The following HSP90B1 variants were observed in gnomAD, a reference collection of about 807,000 sequenced individuals.
The protein encoded by HSP90B1 is endoplasmin.
Under a neutral mutation model 100.4 loss-of-function variants are expected in HSP90B1, and 27 were observed. That is an observed-to-expected ratio of 0.27 (90% CI 0.20 to 0.37). The LOEUF (loss-of-function observed/expected upper bound fraction) is 0.37, where lower values mean the gene tolerates loss of function less well. Among genes scored for constraint, HSP90B1 ranks in the 10% least tolerant of loss-of-function variants. HSP90B1 has a pLI of 1.00. For synonymous variants in HSP90B1, 304 were observed against 330.8 expected (o/e 0.92, Z 0.88); for missense variants, 678 against 960.5 (o/e 0.71, Z 3.89).
At chr12:103,936,279 T>C (rs1869911415) in intron 5 of HSP90B1, among the ~76,000 whole-genome samples, 1 of 152,212 alleles carries the variant, frequency 6.6e-6, no homozygotes, top group Admixed American at 6.5e-5. Flanking sequence ...TATTTTTAGC[T>C]TGTGAGCTAT....
At position 103,947,832 on chromosome 12, in the gene HSP90B1, T is replaced by A; in HGVS notation, c.*170T>A. On this transcript the variant is annotated 3_prime_UTR_variant, in exon 18 of 18. Transcript: ENST00000299767. ...GTGGGTTTTTTAGTTGAATTTTTTT[T>A]AACATTCCTCATGAATGTAAATTTG... The A allele has an allele frequency of 1.5e-6, 1 of 669,344 alleles. No individual in the cohort carries two copies. Among genetic ancestry groups the A allele is most frequent in the African/African-American group, 1.8e-5 (1 of 55,006 alleles). 41.5% of individuals were successfully genotyped at this position (669,344 alleles called of 1,614,324 possible). A position where few individuals can be genotyped will look rare whatever the true frequency, so the allele number is the denominator to read the frequency against.
At chr12:103,942,869 G>A in intron 12 of HSP90B1, 73 bp downstream of exon 12, 1 of 1,552,588 alleles carries the variant, frequency 6.4e-7, no homozygotes, top group Non-Finnish European at 8.8e-7. Context: ...TCTTGAGGGG[G>A]AGAAAAGGAA....
At position 103,947,482 on chromosome 12, in the gene HSP90B1, A is replaced by G. The variant is rs1228733838; in HGVS notation, c.2382+52A>G. The G allele has an allele frequency of 1.5e-5, 24 of 1,613,602 alleles. No individual in the cohort carries two copies. The Admixed American group carries it at 3.8e-4, about 26-fold the overall frequency. On this transcript the variant is annotated intron_variant, in intron 17 of 17. Coordinates refer to ENST00000299767, the MANE Select transcript of HSP90B1 (RefSeq NM_003299.3). Reference sequence around the variant, plus strand: ...CATTTTCAGTTCTGGCAAAGTTAGGACAGAGTTTTAGTTCTGGCAAAGTTA... The same window carrying G: ...CATTTTCAGTTCTGGCAAAGTTAGGGCAGAGTTTTAGTTCTGGCAAAGTTA...
At position 103,941,440 on chromosome 12, in the gene HSP90B1, T is replaced by C. The variant is rs1870075604; in HGVS notation, c.1123T>C (p.Phe375Leu). 4 of 1,612,722 alleles carry C rather than the reference T, an allele frequency of 2.5e-6. No individual in the cohort carries two copies. Among genetic ancestry groups the C allele is most frequent in the Non-Finnish European group, 2.5e-6 (3 of 1,179,922 alleles). Residue 375 changes from phenylalanine to leucine, a missense_variant, in exon 9 of 18, where the codon TTT becomes CTT. Phe to Leu is a conservative substitution (Grantham distance 22). This residue lies in a region of HSP90B1 where 238 missense variants were observed against 346.7 expected (regional missense o/e 0.69). Coordinates refer to ENST00000299767, the MANE Select transcript of HSP90B1 (RefSeq NM_003299.3). ...ESDDPMAYIH[F>L]TAEGEVTFKS... ...TGATGACCCCATGGCTTATATTCAC[T>C]TTACTGCTGAAGGGGAAGTTACCTT...
At chr12:103,940,051 T>G (rs1023172714) in intron 8 of HSP90B1, among the ~76,000 whole-genome samples, 28 of 152,230 alleles carry the variant, frequency 1.8e-4, no homozygotes, top group African/African-American at 6.0e-4. Context: ...ATTGGTTTCC[T>G]TTTTATTCCT....
chr12:103,941,277 C>T, intron 8 of HSP90B1, 133 bp from the exon 9 acceptor site: 2 of 775,930 alleles, frequency 2.6e-6, no homozygotes, highest in South Asian at 1.9e-5. Context: ...CTCTTCCCCA[C>T]CTCCCGCCAG....
rs751763590 is a variant in HSP90B1, at chr12:103,930,426, G to A, written c.-90G>A. 2.5e-6 allele frequency: 3 copies of A among 1,218,632 alleles called. No homozygotes were observed. Among genetic ancestry groups the A allele is most frequent in the African/African-American group, 1.6e-5 (1 of 63,972 alleles). 75.5% of individuals were successfully genotyped at this position (1,218,632 alleles called of 1,614,324 possible). ...TTGCGGTGTAGTGGGCGGACCGCGC[G>A]GCTGGAGGTGTGAGGATCCGAACCC... On this transcript the variant is annotated 5_prime_UTR_variant, in exon 1 of 18. Transcript: ENST00000299767. The surrounding 1 kb of genome is among the most constrained non-coding windows in gnomAD (Gnocchi z 4.4).
chr12:103,938,497 A>C, intron 7 of HSP90B1, 38 bp downstream of exon 7: 2 of 1,591,210 alleles, frequency 1.3e-6, no homozygotes, highest in South Asian at 2.3e-5. Flanking sequence ...GATATTGTTT[A>C]ACATGTATAG....
chr12:103,939,696 G>A (rs77096967), intron 8 of HSP90B1, 71 bp downstream of exon 8: 1 of 715,336 alleles, frequency 1.4e-6, no homozygotes, highest in South Asian at 2.1e-5. Context: ...TAGTTTAATT[G>A]TATATGGTAT....
chr12:103,947,612 G>GT (rs745562844), intron 17 of HSP90B1, 21 bp from the exon 18 acceptor site: 41 of 1,569,022 alleles, frequency 2.6e-5, no homozygotes, highest in Admixed American at 1.8e-4. Context: ...TACCTTCTGG[G>GT]TTTTTTTTAT....
intron 7 of HSP90B1, 83 bp downstream of exon 7, chr12:103,938,542 A>G (rs1869986518): frequency 1.4e-6 from 2 of 1,464,490 alleles, no homozygotes; most frequent in African/African-American, 2.8e-5. Context: ...GCACTGGCTG[A>G]TTTGAAGTCA....
At chr12:103,941,975 A>G in intron 11 of HSP90B1, 78 bp downstream of exon 11, 1 of 543,182 alleles carries the variant, frequency 1.8e-6, no homozygotes, top group South Asian at 2.1e-5. Context: ...TGTGGAGTAA[A>G]ACCAGATTTT....
intron 8 of HSP90B1, 108 bp from the exon 9 acceptor site, chr12:103,941,302 T>A: frequency 8.7e-7 from 1 of 1,144,942 alleles, no homozygotes; most frequent in Non-Finnish European, 1.2e-6. Flanking sequence ...GGAAAATTTT[T>A]TGTTAGTTAA....
chr12:103,942,842 A>G (rs1308088604), intron 12 of HSP90B1, 46 bp downstream of exon 12: 1 of 1,599,918 alleles, frequency 6.3e-7, no homozygotes, highest in Non-Finnish European at 8.5e-7. Context: ...GAAGGTAGCT[A>G]GGGATTTATA....
At chr12:103,944,625 C>T (rs1489514704) in intron 14 of HSP90B1, among the ~76,000 whole-genome samples, 1 of 151,438 alleles carries the variant, frequency 6.6e-6, no homozygotes, top group Non-Finnish European at 1.5e-5. Context: ...GGCGCAATCT[C>T]TGCTCACTGC....
At chr12:103,937,065 C>G (rs983888347) in intron 5 of HSP90B1, among the ~76,000 whole-genome samples, 2 of 152,130 alleles carry the variant, frequency 1.3e-5, no homozygotes, top group Non-Finnish European at 2.9e-5. Flanking sequence ...CCCCGCACTG[C>G]CCGGTAGAAT....
chr12:103,946,857 G>A lies in HSP90B1; in HGVS notation c.2178G>A (p.Gly726=), dbSNP rs779655695. The change falls in exon 16 of 18, where the codon GGG becomes GGA. Residue 726 remains glycine, a synonymous_variant. Transcript: ENST00000299767. ...VLFETATLRS[G]YLLPDTKAYG... ...TTGAAACAGCAACGCTTCGGTCAGG[G>A]TATCTTTTACCAGACACTAAAGCAT... The A allele has an allele frequency of 1.9e-6, 3 of 1,614,048 alleles. No homozygotes were observed. The highest frequency in any genetic ancestry group is 1.1e-5 in the South Asian group (1 of 91,086).
In HSP90B1 at chr12:103,943,694, T is replaced by C. The variant is rs369959908; in HGVS notation, c.1891-44T>C. Reference sequence around the variant, plus strand: ...TTGAAAGACAATTGCTCAATGACCTTACCTGTTGATATTAATTTATATGAC... The same window carrying C: ...TTGAAAGACAATTGCTCAATGACCTCACCTGTTGATATTAATTTATATGAC... On this transcript the variant is annotated intron_variant, in intron 13 of 17. Coordinates refer to ENST00000299767, the MANE Select transcript of HSP90B1 (RefSeq NM_003299.3). The surrounding 1 kb of genome is among the most constrained non-coding windows in gnomAD (Gnocchi z 5.3). 3.2e-6 allele frequency: 5 copies of C among 1,583,308 alleles called. No homozygotes were observed. Among genetic ancestry groups the C allele is most frequent in the Non-Finnish European group, 4.3e-6 (5 of 1,160,146 alleles).
chr12:103,930,413 G>A lies in HSP90B1; in HGVS notation c.-103G>A, dbSNP rs1187810773. 5 of 1,067,800 alleles carry A rather than the reference G, an allele frequency of 4.7e-6. No homozygotes were observed. The highest frequency in any genetic ancestry group is 5.3e-6 in the Non-Finnish European group (4 of 752,112). The allele number at this position is 1,067,800 out of a possible 1,614,324, so 66.1% of individuals were successfully genotyped here. On this transcript the variant is annotated 5_prime_UTR_variant, in exon 1 of 18. Transcript: ENST00000299767. This position sits in a 1 kb window ranked among gnomAD's most constrained non-coding sequence, Gnocchi z 4.4. The stretch of plus-strand genomic sequence containing the variant: ...CGGCCCGACCTGCTTGCGGTGTAGT[G>A]GGCGGACCGCGCGGCTGGAGGTGTG...
Sources: allele counts gnomAD v4.1 joint callset (sites outside exome capture counted in the v4.1 genomes callset), GRCh38; gene constraint gnomAD v4.1.1; regional missense constraint gnomAD v4.1.1; non-coding constraint Gnocchi (gnomAD v3.1); transcripts MANE v1.5; gene names NCBI Gene and HGNC (gene_info 2026-07-23, HGNC 2026-07-21).